The following ACTN4 variants were observed in gnomAD, a reference collection of about 807,000 sequenced individuals.
ACTN4 encodes the protein alpha-actinin-4.
In ACTN4, 18 loss-of-function variants were observed where a neutral mutation model predicts 114.2. That is an observed-to-expected ratio of 0.16 (90% CI 0.11 to 0.23). ACTN4 has a LOEUF of 0.23. Ranked by LOEUF, ACTN4 falls within the 10% of genes least tolerant of loss-of-function variation. The probability of loss-of-function intolerance (pLI) is 1.00; values close to 1 mark genes in which losing one functional copy is unlikely to be tolerated. For synonymous variants in ACTN4, 515 were observed against 506.3 expected, an observed-to-expected ratio of 1.02 and a Z score of -0.23; for missense variants, 722 against 1,262.9, an observed-to-expected ratio of 0.57 and a Z score of 6.49.
At chr19:38,689,671 A>AT (rs199609562) in intron 1 of ACTN4, among the ~76,000 whole-genome samples, 8 of 143,588 alleles carry the variant, frequency 5.6e-5, no homozygotes, top group Admixed American at 6.9e-5. Context: ...TTAATTTTTA[A>AT]TTTTTTTTTT....
At chr19:38,722,246 A>G (rs1969070444) in intron 12 of ACTN4, among the ~76,000 whole-genome samples, 1 of 152,156 alleles carries the variant, frequency 6.6e-6, no homozygotes, top group African/African-American at 2.4e-5. Context: ...TTATTCCACC[A>G]GTGCAGCGGC....
chr19:38,708,003 A>T (rs1968516496), intron 5 of ACTN4, 114 bp from the exon 6 acceptor site: 3 of 1,104,214 alleles, frequency 2.7e-6, no homozygotes, highest in Non-Finnish European at 4.2e-6. Context: ...AGTGCCTGGC[A>T]CAGGCCAGAC....
chr19:38,680,000 T>C (rs1458482005), intron 1 of ACTN4, among the ~76,000 whole-genome samples: 2 of 152,058 alleles, frequency 1.3e-5, no homozygotes, highest in Admixed American at 1.3e-4. Context: ...CCTTTTTCCC[T>C]GAAGGAACTT....
chr19:38,681,673 C>T (rs761545758), intron 1 of ACTN4, among the ~76,000 whole-genome samples: 1 of 152,216 alleles, frequency 6.6e-6, no homozygotes, highest in Non-Finnish European at 1.5e-5. Flanking sequence ...GCGACTGGCT[C>T]GCCAGTGTCC....
At chr19:38,652,915 G>A (rs544593467) in intron 1 of ACTN4, among the ~76,000 whole-genome samples, 20 of 152,062 alleles carry the variant, frequency 1.3e-4, no homozygotes, top group African/African-American at 3.9e-4. Flanking sequence ...GTGAAACCCC[G>A]TCTCTACCAA....
rs994529124 is a variant in ACTN4 at position 38,711,178 on chromosome 19, C to T, written c.819+836C>T. On this transcript the variant is annotated intron_variant, in intron 8 of 20. Transcript: ENST00000252699. The stretch of plus-strand genomic sequence containing the variant: ...GCTGGCTTCCAGTCCAGAGCAAGTG[C>T]TCTTCCTCCTGCATGAGCCTCAGGC... 1.2e-5 allele frequency: 6 copies of T among 498,904 alleles called. No individual in the cohort carries two copies. The African/African-American group carries it at 1.3e-4, about 10-fold the overall frequency. 30.9% of individuals were successfully genotyped at this position (498,904 alleles called of 1,614,324 possible).
At chr19:38,673,246 T>A (rs1230489963) in intron 1 of ACTN4, among the ~76,000 whole-genome samples, 1 of 151,442 alleles carries the variant, frequency 6.6e-6, no homozygotes, top group Admixed American at 6.6e-5. Flanking sequence ...CCCGGCCTAT[T>A]CATCATTTAT....
In ACTN4 at chr19:38,663,058, G is replaced by A. The variant is rs543708544; in HGVS notation, c.162+15151G>A. ...CCAAGTAGCTGGGATTACAGGTGCC[G>A]GCCACCACGCCTAGCTAGTTTTTTG... On this transcript the variant is annotated intron_variant, in intron 1 of 20. Coordinates refer to ENST00000252699, the MANE Select transcript of ACTN4 (RefSeq NM_004924.6). 4.6e-5 allele frequency among the ~76,000 whole-genome samples: 7 copies of A among 152,086 alleles called. No individual in the cohort carries two copies. The East Asian group carries it at 5.8e-4, about 13-fold the overall frequency.
rs1430834236 is a variant in ACTN4 at position 38,717,452 on chromosome 19, A to C, written c.1143+136A>C. The stretch of plus-strand genomic sequence containing the variant: ...GGACATGGCATGGCCTTTCGGATGC[A>C]GTGGTCGGGGAGGGGTGCACTTCAC... On this transcript the variant is annotated intron_variant, in intron 10 of 20. Transcript: ENST00000252699. This position sits in a 1 kb window ranked among gnomAD's most constrained non-coding sequence, Gnocchi z 4.0. 8.1e-7 allele frequency: 1 copy of C among 1,230,396 alleles called. No individual in the cohort carries two copies. The highest frequency in any genetic ancestry group is 1.5e-5 in the African/African-American group (1 of 66,638). The allele number at this position is 1,230,396 out of a possible 1,614,324, so 76.2% of individuals were successfully genotyped here. A position where few individuals can be genotyped will look rare whatever the true frequency, so the allele number is the denominator to read the frequency against.
rs769867090 is a variant in ACTN4, at chr19:38,730,650, C to T, written c.*1218C>T. On this transcript the variant is annotated 3_prime_UTR_variant, in exon 21 of 21. Coordinates refer to ENST00000252699, the MANE Select transcript of ACTN4 (RefSeq NM_004924.6). ...CGTGGACTAGCTCGTGTCATCTGCT[C>T]GAGAAGGGCTGTCGCTGTTCTTGTT... 5.9e-5 allele frequency: 38 copies of T among 642,472 alleles called. No individual in the cohort carries two copies. Among genetic ancestry groups the T allele is most frequent in the East Asian group, 8.2e-5 (3 of 36,678 alleles). The allele number at this position is 642,472 out of a possible 1,614,324, so 39.8% of individuals were successfully genotyped here. A position where few individuals can be genotyped will look rare whatever the true frequency, so the allele number is the denominator to read the frequency against.
rs1967228670 is a variant in ACTN4 at position 38,673,550 on chromosome 19, T to C, written c.162+25643T>C. Among the ~76,000 whole-genome samples, 6 of 101,258 alleles carry C rather than the reference T, an allele frequency of 5.9e-5. 1 individual carries two copies. Among genetic ancestry groups the C allele is most frequent in the African/African-American group, 2.0e-4 (6 of 30,246 alleles). 66.4% of individuals were successfully genotyped at this position (101,258 alleles called of 152,430 possible). On this transcript the variant is annotated intron_variant, in intron 1 of 20. Transcript: ENST00000252699. ...ATTCATATATACTTATATATATTTA[T>C]ATATACTTATATATATTTATATATA...
At chr19:38,706,607 C>T (rs1968467524) in intron 5 of ACTN4, among the ~76,000 whole-genome samples, 1 of 152,114 alleles carries the variant, frequency 6.6e-6, no homozygotes, top group Admixed American at 6.5e-5. Flanking sequence ...TTAGTAGGAA[C>T]AGGGTCTCCC....
At chr19:38,687,659 A>G (rs1389188458) in intron 1 of ACTN4, among the ~76,000 whole-genome samples, 1 of 152,262 alleles carries the variant, frequency 6.6e-6, no homozygotes, top group African/African-American at 2.4e-5. Context: ...ACCTAAATGT[A>G]AGAGCTAAAA....
chr19:38,708,296 A>T, intron 6 of ACTN4, 101 bp downstream of exon 6: 1 of 1,357,310 alleles, frequency 7.4e-7, no homozygotes, highest in Non-Finnish European at 1.0e-6. Context: ...CAGCCTCCAG[A>T]TCTGGGTTCT....
At chr19:38,700,556 A>C (rs757595139) in intron 1 of ACTN4, 44 bp from the exon 2 acceptor site, 1 of 1,545,242 alleles carries the variant, frequency 6.5e-7, no homozygotes, top group African/African-American at 1.4e-5. Context: ...GAGCCCCGAC[A>C]GCCAGGCTGA....
chr19:38,729,376 G>T lies in ACTN4; in HGVS notation c.2680G>T (p.Gly894Cys). 1.2e-6 allele frequency: 2 copies of T among 1,612,804 alleles called. No individual in the cohort carries two copies. Among genetic ancestry groups the T allele is most frequent in the South Asian group, 2.2e-5 (2 of 91,066 alleles). Reference sequence around the variant, plus strand: ...ATACCAGGGCCCTGACGCCGTGCCCGGTGCCCTCGACTACAAGTCCTTCTC... The same window carrying T: ...ATACCAGGGCCCTGACGCCGTGCCCTGTGCCCTCGACTACAAGTCCTTCTC... The part of the protein sequence containing the change: ...APYQGPDAVP[G>C]ALDYKSFSTA... The change falls in exon 21 of 21, where the codon GGT (glycine) becomes TGT (cysteine). Residue 894 changes from glycine (G) to cysteine (C), a missense_variant. Gly to Cys is a radical substitution (Grantham distance 159). Transcript: ENST00000252699.
At chr19:38,716,422 A>G (rs1968842300) in intron 9 of ACTN4, among the ~76,000 whole-genome samples, 1 of 152,268 alleles carries the variant, frequency 6.6e-6, no homozygotes, top group African/African-American at 2.4e-5. Context: ...TCAGGCTCTC[A>G]GCATGGAGCT....
chr19:38,664,769 G>A (rs1341522045), intron 1 of ACTN4, among the ~76,000 whole-genome samples: 1 of 152,214 alleles, frequency 6.6e-6, no homozygotes, highest in East Asian at 1.9e-4. Context: ...CTGCCCAGCA[G>A]TCCTTATGAG....
At chr19:38,672,759 G>A (rs569156579) in intron 1 of ACTN4, among the ~76,000 whole-genome samples, 2 of 151,342 alleles carry the variant, frequency 1.3e-5, no homozygotes, top group South Asian at 4.2e-4. Flanking sequence ...TTTTAGTAGA[G>A]ACGGGGTTTC....
Sources: gnomAD v4.1 joint callset for allele counts (sites outside exome capture counted in the v4.1 genomes callset) on GRCh38, gnomAD v4.1.1 for gene constraint, Gnocchi (gnomAD v3.1) non-coding constraint, MANE v1.5 for transcripts, NCBI Gene and HGNC (gene_info 2026-07-23, HGNC 2026-07-21) for gene names.